TRUB1: variants seen among roughly 807,000 people sequenced by gnomAD.
TRUB1 encodes pseudouridylate synthase TRUB1.
Under a neutral mutation model 33.9 loss-of-function variants are expected in TRUB1, and 23 were observed. The observed-to-expected ratio is 0.68, with a 90% CI of 0.49 to 0.96. The LOEUF is 0.96. TRUB1 is among the 40% of genes least tolerant of loss of function. The pLI, the probability that TRUB1 is intolerant of heterozygous loss-of-function variation, is 0.00. For missense variants in TRUB1, 378 were observed against 422.2 expected (o/e 0.90, Z 0.92); for synonymous variants, 163 against 165.4 (o/e 0.99, Z 0.11).
rs150620906 is a variant in TRUB1 at position 114,970,814 on chromosome 10, C to T, written c.596+374C>T. On this transcript the variant is annotated intron_variant, in intron 5 of 7. Coordinates refer to ENST00000298746, the MANE Select transcript of TRUB1 (RefSeq NM_139169.5). ...GGAAGTCAGAGCTGTGAGTCAGAGTCCTAATGTGCACTGCATGTCAGGTGC... is the reference window on the plus strand; with the variant it reads ...GGAAGTCAGAGCTGTGAGTCAGAGTTCTAATGTGCACTGCATGTCAGGTGC... Among the ~76,000 whole-genome samples the T allele has an allele frequency of 3.2e-4, 49 of 152,340 alleles. No individual in the cohort carries two copies. The East Asian group carries it at 9.3e-3, about 29-fold the overall frequency.
intron 6 of TRUB1, 81 bp from the exon 7 acceptor site, chr10:114,974,248 A>T (rs1038531683): frequency 2.7e-5 from 28 of 1,032,680 alleles, no homozygotes; most frequent in Non-Finnish European, 3.9e-5. Context: ...GCATTTTTAC[A>T]TTTGTTTAGG....
At chr10:114,962,679 C>T (rs1160379472) in intron 4 of TRUB1, among the ~76,000 whole-genome samples, 1 of 152,124 alleles carries the variant, frequency 6.6e-6, no homozygotes, top group Non-Finnish European at 1.5e-5. Flanking sequence ...CACAGAGGAT[C>T]GTAGAACACA....
chr10:114,971,908 A>C (rs1289306939), intron 5 of TRUB1, among the ~76,000 whole-genome samples: 2 of 152,210 alleles, frequency 1.3e-5, no homozygotes, highest in Non-Finnish European at 2.9e-5. Flanking sequence ...TGCCAGAATG[A>C]GGTTATATCA....
intron 4 of TRUB1, 141 bp downstream of exon 4, chr10:114,959,948 T>A (rs2084278353): frequency 1.7e-6 from 1 of 600,890 alleles, no homozygotes; most frequent in African/African-American, 1.9e-5. Flanking sequence ...GATTGGAAAT[T>A]GTTTATCGCA....
At chr10:114,964,606 C>T (rs1395708968) in intron 4 of TRUB1, among the ~76,000 whole-genome samples, 2 of 152,048 alleles carry the variant, frequency 1.3e-5, no homozygotes, top group Non-Finnish European at 1.5e-5. Flanking sequence ...ACTTTTTTGA[C>T]TCTAAAAGTG....
intron 4 of TRUB1, among the ~76,000 whole-genome samples, chr10:114,965,575 A>C (rs1273860835): frequency 6.6e-6 from 1 of 152,154 alleles, no homozygotes; most frequent in Non-Finnish European, 1.5e-5. Context: ...TGATGACCTC[A>C]TACAATAGTT....
chr10:114,963,098 G>T (rs972151244), intron 4 of TRUB1, among the ~76,000 whole-genome samples: 5 of 152,178 alleles, frequency 3.3e-5, no homozygotes, highest in African/African-American at 1.2e-4. Context: ...CATCCGGGAA[G>T]GCCTAACTGT....
chr10:114,948,062 A>G (rs1450322421), intron 2 of TRUB1, among the ~76,000 whole-genome samples: 1 of 152,220 alleles, frequency 6.6e-6, no homozygotes, highest in Non-Finnish European at 1.5e-5. Context: ...AGGACATTGG[A>G]TAAGTTTGGA....
chr10:114,966,791 G>A (rs545589193), intron 4 of TRUB1, among the ~76,000 whole-genome samples: 1 of 152,054 alleles, frequency 6.6e-6, no homozygotes, highest in Non-Finnish European at 1.5e-5. Flanking sequence ...TTTGTATATT[G>A]ATCTTGTGTT....
At chr10:114,945,678 G>T (rs1424239373) in intron 2 of TRUB1, among the ~76,000 whole-genome samples, 3 of 152,004 alleles carry the variant, frequency 2.0e-5, no homozygotes, top group African/African-American at 7.2e-5. Context: ...GTTTTTTTGT[G>T]ATTTTTATTT....
chr10:114,963,647 A>G (rs562342433), intron 4 of TRUB1, among the ~76,000 whole-genome samples: 5 of 152,308 alleles, frequency 3.3e-5, no homozygotes, highest in African/African-American at 7.2e-5. Flanking sequence ...CTAACATCCA[A>G]TGCTATGGAG....
rs188877724 is a variant in TRUB1, at chr10:114,975,380, G to T, written c.*1G>T. ...AGATGATGTAATTAAGACGTGTTGA[G>T]ATTGGCCTGGGAATATCATCATTTT... On this transcript the variant is annotated 3_prime_UTR_variant, in exon 8 of 8. Transcript: ENST00000298746. 20 of 1,557,140 alleles carry T rather than the reference G, an allele frequency of 1.3e-5. No homozygotes were observed. The highest frequency in any genetic ancestry group is 9.8e-5 in the South Asian group (8 of 82,050).
chr10:114,941,145 T>G (rs2084184815), intron 1 of TRUB1, among the ~76,000 whole-genome samples: 1 of 152,176 alleles, frequency 6.6e-6, no homozygotes, highest in Non-Finnish European at 1.5e-5. Context: ...TAAGGAAGGT[T>G]TGATGGGCTT....
At position 114,959,939 on chromosome 10, in the gene TRUB1, A is replaced by C. The variant is rs1035276597; in HGVS notation, c.523+132A>C. 5 of 613,048 alleles carry C rather than the reference A, an allele frequency of 8.2e-6. No individual in the cohort carries two copies. The Admixed American group carries it at 1.7e-4, about 21-fold the overall frequency. The allele number at this position is 613,048 out of a possible 1,614,324, so 38.0% of individuals were successfully genotyped here. On this transcript the variant is annotated intron_variant, in intron 4 of 7. Coordinates refer to ENST00000298746, the MANE Select transcript of TRUB1 (RefSeq NM_139169.5). ...CAGTGTGTTTCTTTGGGCTAAGAAG[A>C]TTGGAAATTGTTTATCGCATTGTTG...
chr10:114,976,773 G>A lies in TRUB1; in HGVS notation c.*1394G>A, dbSNP rs1329069784. 8.0e-6 allele frequency: 1 copy of A among 125,502 alleles called. No individual in the cohort carries two copies. The highest frequency in any genetic ancestry group is 1.5e-5 in the Non-Finnish European group (1 of 64,790). 7.8% of individuals were successfully genotyped at this position (125,502 alleles called of 1,614,324 possible). A position where few individuals can be genotyped will look rare whatever the true frequency, so the allele number is the denominator to read the frequency against. Reference sequence around the variant, plus strand: ...AACATATTGGCAACATATTTTAAATGAAAACACTAAAACAATTCTTAGTAT... The same window carrying A: ...AACATATTGGCAACATATTTTAAATAAAAACACTAAAACAATTCTTAGTAT... On this transcript the variant is annotated 3_prime_UTR_variant, in exon 8 of 8. Transcript: ENST00000298746.
intron 5 of TRUB1, among the ~76,000 whole-genome samples, chr10:114,971,570 T>C (rs61869271): frequency 0.25 from 35,278 of 142,300 alleles, 4,839 homozygotes; most frequent in Non-Finnish European, 0.33. Context: ...GTTAAATTTA[T>C]TTATATTTAT....
In TRUB1 at chr10:114,938,416, A is replaced by G; in HGVS notation, c.163A>G (p.Arg55Gly). Residue 55 changes from arginine to glycine, a missense_variant, in exon 1 of 8, where the codon AGG becomes GGG. Coordinates refer to ENST00000298746, the MANE Select transcript of TRUB1 (RefSeq NM_139169.5). ...CGCGGCCAGGACCGGATCCGAAGCCAGGGTCTCCAAGGCCGCTTTGGCTAC... is the reference window on the plus strand; with the variant it reads ...CGCGGCCAGGACCGGATCCGAAGCCGGGGTCTCCAAGGCCGCTTTGGCTAC... ...AAAARTGSEA[R>G]VSKAALATKL... 1.3e-6 allele frequency: 2 copies of G among 1,599,052 alleles called. No homozygotes were observed. The highest frequency in any genetic ancestry group is 1.7e-4 in the Middle Eastern group (1 of 6,034).
intron 3 of TRUB1, among the ~76,000 whole-genome samples, chr10:114,958,670 C>A (rs1564699784): frequency 6.6e-6 from 1 of 152,106 alleles, no homozygotes; most frequent in African/African-American, 2.4e-5. Context: ...ATAAAATTTG[C>A]GTTTGACCAA....
chr10:114,964,799 T>A (rs1166663674), intron 4 of TRUB1, among the ~76,000 whole-genome samples: 1 of 152,176 alleles, frequency 6.6e-6, no homozygotes, highest in Non-Finnish European at 1.5e-5. Flanking sequence ...AAAATCTATT[T>A]TTTTACATTG....
Sources: allele counts gnomAD v4.1 joint callset (sites outside exome capture counted in the v4.1 genomes callset), GRCh38; gene constraint gnomAD v4.1.1; transcripts MANE v1.5; gene names NCBI Gene and HGNC (gene_info 2026-07-23, HGNC 2026-07-21).